Variants in AGBL1 observed in about 807,000 individuals in gnomAD.
AGBL1 encodes the protein AGBL carboxypeptidase 1.
AGBL1 carries 130 observed loss-of-function variants against 118.9 expected under a neutral mutation model. The observed-to-expected ratio is 1.09, with a 90% CI of 0.95 to 1.26. AGBL1 has a LOEUF of 1.26. AGBL1 is among the 50% of genes most tolerant of loss of function. The probability of loss-of-function intolerance (pLI) is 0.00; values close to 1 mark genes in which losing one functional copy is unlikely to be tolerated. For synonymous variants in AGBL1, 555 were observed against 478.9 expected, an observed-to-expected ratio of 1.16 and a Z score of -2.08; for missense variants, 1,584 against 1,298.1, an observed-to-expected ratio of 1.22 and a Z score of -3.38.
At chr15:86,793,231 C>T (rs989265149) in intron 22 of AGBL1, among the ~76,000 whole-genome samples, 1 of 152,126 alleles carries the variant, frequency 6.6e-6, no homozygotes, top group African/African-American at 2.4e-5. Flanking sequence ...ATCTGATGCT[C>T]AAAGAATGGA....
At chr15:86,238,514 G>A (rs1426558337) in intron 6 of AGBL1, among the ~76,000 whole-genome samples, 1 of 152,198 alleles carries the variant, frequency 6.6e-6, no homozygotes, top group Non-Finnish European at 1.5e-5. Context: ...TACCATGTTA[G>A]AGAATTTTCA....
intron 22 of AGBL1, among the ~76,000 whole-genome samples, chr15:86,867,688 A>T (rs981345935): frequency 6.6e-6 from 1 of 152,180 alleles, no homozygotes; most frequent in Non-Finnish European, 1.5e-5. Flanking sequence ...TTTAGGCTCA[A>T]TTTTATTGTT....
chr15:86,640,691 T>G (rs2085175872), intron 21 of AGBL1, among the ~76,000 whole-genome samples: 2 of 152,194 alleles, frequency 1.3e-5, no homozygotes, highest in Non-Finnish European at 2.9e-5. Context: ...CAATTAAGAT[T>G]TGGTAATAAG....
chr15:86,713,752 G>T (rs1312786108), intron 22 of AGBL1, among the ~76,000 whole-genome samples: 2 of 151,996 alleles, frequency 1.3e-5, no homozygotes, highest in Admixed American at 1.3e-4. Flanking sequence ...AGCTCCTTCA[G>T]CCCCAAAGCT....
intron 18 of AGBL1, among the ~76,000 whole-genome samples, chr15:86,468,671 T>C (rs2082438627): frequency 6.6e-6 from 1 of 152,234 alleles, no homozygotes; most frequent in Non-Finnish European, 1.5e-5. Flanking sequence ...CCTGTGCTTA[T>C]TAAAATTGTG....
At chr15:86,151,024 A>C (rs139697146) in intron 3 of AGBL1, among the ~76,000 whole-genome samples, 1,962 of 152,228 alleles carry the variant, frequency 0.013, 26 homozygotes, top group East Asian at 0.062. Context: ...GAAATTGGAA[A>C]TCATCATTCT....
At chr15:86,692,000 T>G (rs556221076) in intron 22 of AGBL1, among the ~76,000 whole-genome samples, 1 of 152,078 alleles carries the variant, frequency 6.6e-6, no homozygotes, top group South Asian at 2.1e-4. Flanking sequence ...AAAGAGCAAT[T>G]TGAGGCTTGT....
chr15:87,027,796 A>T (rs1254366411), intron 24 of AGBL1, among the ~76,000 whole-genome samples: 1 of 151,914 alleles, frequency 6.6e-6, no homozygotes, highest in African/African-American at 2.4e-5. Context: ...AAAGCCAAAC[A>T]CCATGTGTTC....
chr15:86,750,246 T>A (rs910901497), intron 22 of AGBL1, among the ~76,000 whole-genome samples: 2 of 152,064 alleles, frequency 1.3e-5, no homozygotes, highest in African/African-American at 2.4e-5. Context: ...GTTTTGTACT[T>A]TTTTATTTTT....
chr15:86,339,385 G>A lies in AGBL1; in HGVS notation c.2374+43977G>A, dbSNP rs549377667. Among the ~76,000 whole-genome samples the A allele has an allele frequency of 5.7e-4, 86 of 152,186 alleles. 2 individuals are homozygous for A. The South Asian group carries it at 0.013, about 23-fold the overall frequency. ...TTCTTGAATCTGTAGGTTGTTTATC[G>A]CGAAATTTGGCAAGTTTTAAACCAT... On this transcript the variant is annotated intron_variant, in intron 17 of 22. Coordinates refer to ENST00000614907, the MANE Select transcript of AGBL1 (RefSeq NM_001386094.1).
intron 5 of AGBL1, among the ~76,000 whole-genome samples, chr15:86,182,815 CA>C (rs1372240407): frequency 7.2e-5 from 11 of 152,062 alleles, no homozygotes; most frequent in Non-Finnish European, 1.3e-4. Context: ...ATAAAAGAAG[CA>C]AAAGGAAACC....
At chr15:86,883,450 G>A (rs2079924339) in intron 22 of AGBL1, among the ~76,000 whole-genome samples, 1 of 152,184 alleles carries the variant, frequency 6.6e-6, no homozygotes, top group African/African-American at 2.4e-5. Flanking sequence ...TCTCCCTGTA[G>A]TGTCCATTCT....
chr15:86,973,946 T>A (rs562584653), intron 23 of AGBL1, among the ~76,000 whole-genome samples: 53 of 132,974 alleles, frequency 4.0e-4, no homozygotes, highest in Non-Finnish European at 6.6e-4. Context: ...ACATATTTAA[T>A]ATATTAAATA....
At chr15:86,617,758 G>GCA (rs1053481155) in intron 21 of AGBL1, among the ~76,000 whole-genome samples, 34 of 82,290 alleles carry the variant, frequency 4.1e-4, no homozygotes, top group African/African-American at 1.4e-3. Context: ...TCAACTTTAT[G>GCA]CGCACACACA....
intron 18 of AGBL1, among the ~76,000 whole-genome samples, chr15:86,454,124 T>A (rs2082232224): frequency 6.6e-6 from 1 of 152,186 alleles, no homozygotes; most frequent in African/African-American, 2.4e-5. Context: ...CTCTTCACCA[T>A]GTATGGAAGA....
chr15:86,408,827 T>G (rs1202965541), intron 18 of AGBL1, among the ~76,000 whole-genome samples: 2 of 152,160 alleles, frequency 1.3e-5, no homozygotes, highest in African/African-American at 4.8e-5. Flanking sequence ...GGGAAAATTG[T>G]TATTCTGATT....
intron 22 of AGBL1, among the ~76,000 whole-genome samples, chr15:86,753,430 C>T (rs1263884742): frequency 1.6e-5 from 2 of 121,588 alleles, no homozygotes; most frequent in African/African-American, 6.5e-5. Context: ...CAGAGTCTTA[C>T]TCTGTCGCCC....
At chr15:86,371,424 C>A (rs1249591290) in intron 17 of AGBL1, among the ~76,000 whole-genome samples, 3 of 152,102 alleles carry the variant, frequency 2.0e-5, no homozygotes, top group East Asian at 1.9e-4. Context: ...CCCCTCAAGT[C>A]TTGGCTCACA....
intron 17 of AGBL1, among the ~76,000 whole-genome samples, chr15:86,363,999 T>A (rs946055223): frequency 6.6e-6 from 1 of 152,300 alleles, no homozygotes; most frequent in East Asian, 1.9e-4. Context: ...CAGGTGAGCA[T>A]CCTGCTTTTC....
Sources: allele counts gnomAD v4.1 joint callset (sites outside exome capture counted in the v4.1 genomes callset), GRCh38; gene constraint gnomAD v4.1.1; transcripts MANE v1.5; gene names NCBI Gene and HGNC (gene_info 2026-07-23, HGNC 2026-07-21).